The following VSTM4 variants were observed in gnomAD, a reference collection of about 807,000 sequenced individuals.
VSTM4 encodes the protein V-set and transmembrane domain-containing protein 4.
VSTM4 carries 20 observed loss-of-function variants against 36.4 expected under a neutral mutation model. That is an observed-to-expected ratio of 0.55 (90% CI 0.39 to 0.80). The LOEUF is 0.80. Ranked by LOEUF, VSTM4 falls within the 30% of genes least tolerant of loss-of-function variation. The probability of loss-of-function intolerance (pLI) is 0.00; values close to 1 mark genes in which losing one functional copy is unlikely to be tolerated. For synonymous variants in VSTM4, 182 were observed against 173.9 expected (o/e 1.05, Z -0.37); for missense variants, 392 against 404.5 (o/e 0.97, Z 0.26).
intron 2 of VSTM4, among the ~76,000 whole-genome samples, chr10:49,104,986 GAC>G (rs1491033326): frequency 7.3e-6 from 1 of 136,964 alleles, no homozygotes; most frequent in African/African-American, 2.8e-5. Context: ...GGGAGACAGA[GAC>G]ACAGAGAGAC....
At chr10:49,078,857 T>C (rs1208042271) in intron 3 of VSTM4, among the ~76,000 whole-genome samples, 2 of 151,944 alleles carry the variant, frequency 1.3e-5, no homozygotes, top group South Asian at 2.1e-4. Context: ...TGATTTTTTC[T>C]TTCTTGCCCT....
intron 5 of VSTM4, among the ~76,000 whole-genome samples, chr10:49,060,434 G>A (rs1283726587): frequency 6.6e-6 from 1 of 152,108 alleles, no homozygotes; most frequent in East Asian, 1.9e-4. Flanking sequence ...GTTTTAATTT[G>A]CACTTCCCTA....
At chr10:49,100,227 T>C (rs535510688) in intron 2 of VSTM4, among the ~76,000 whole-genome samples, 60 of 151,744 alleles carry the variant, frequency 4.0e-4, no homozygotes, top group African/African-American at 1.4e-3. Flanking sequence ...GTGGTCAAGA[T>C]AAAAACTGAA....
Position 49,018,358 on chromosome 10 carries a change from C to T in VSTM4, c.*1292G>A, listed in dbSNP as rs1843132299. The T allele has an allele frequency of 6.6e-6, 1 of 152,162 alleles. No individual in the cohort carries two copies. Among genetic ancestry groups the T allele is most frequent in the African/African-American group, 2.4e-5 (1 of 41,438 alleles). The allele number at this position is 152,162 out of a possible 1,614,324, so 9.4% of individuals were successfully genotyped here. The stretch of plus-strand genomic sequence containing the variant: ...TCTATGGGAAGTTAAGTCGTCTTTA[C>T]ACAAACATGGAGTCTGAGGTCATTA... On this transcript the variant is annotated 3_prime_UTR_variant, in exon 8 of 8. Coordinates refer to ENST00000332853, the MANE Select transcript of VSTM4 (RefSeq NM_001031746.5).
rs1236664228 is a variant in VSTM4 at position 49,090,785 on chromosome 10, G to A, written c.458-4762C>T. Among the ~76,000 whole-genome samples, 3 of 152,224 alleles carry A rather than the reference G, an allele frequency of 2.0e-5. No individual in the cohort carries two copies. In the East Asian group the frequency reaches 5.8e-4, roughly 29 times the overall value. On this transcript the variant is annotated intron_variant, in intron 2 of 7. Coordinates refer to ENST00000332853, the MANE Select transcript of VSTM4 (RefSeq NM_001031746.5). ...GGTCTCCCAGCAAATAGCTGGCATGGGGGCAAATGCTGTGGGGCCCCTTGG... is the reference window on the plus strand; with the variant it reads ...GGTCTCCCAGCAAATAGCTGGCATGAGGGCAAATGCTGTGGGGCCCCTTGG...
At chr10:49,102,382 C>G in intron 2 of VSTM4, 1 of 983,598 alleles carries the variant, frequency 1.0e-6, no homozygotes, top group South Asian at 4.7e-5. Flanking sequence ...GATCCACCCA[C>G]CTCGGCCTCC....
intron 2 of VSTM4, among the ~76,000 whole-genome samples, chr10:49,099,268 G>A (rs751428137): frequency 3.3e-5 from 5 of 152,326 alleles, no homozygotes; most frequent in Admixed American, 6.5e-5. Context: ...TTATCACTCC[G>A]AATCCTTTCG....
At chr10:49,103,172 A>C (rs1456817953) in intron 2 of VSTM4, 1 of 152,308 alleles carries the variant, frequency 6.6e-6, no homozygotes, top group Admixed American at 6.5e-5. Context: ...TTATTGACAA[A>C]GATTTACAGC....
In VSTM4 at chr10:49,112,355, C is replaced by T. The variant is rs188388169; in HGVS notation, c.55+3076G>A. Among the ~76,000 whole-genome samples, 24 of 152,306 alleles carry T rather than the reference C, an allele frequency of 1.6e-4. No individual in the cohort carries two copies. The East Asian group carries it at 2.9e-3, about 18-fold the overall frequency. On this transcript the variant is annotated intron_variant, in intron 1 of 7. Transcript: ENST00000332853. ...GCCTTCTCTGGTAGTTGCAGAGAAA[C>T]GATGAGACACAGAAGCAGTGGCTTG... is the stretch of plus-strand genomic sequence containing the variant.
In VSTM4 at chr10:49,112,297, C is replaced by T. The variant is rs987168661; in HGVS notation, c.55+3134G>A. On this transcript the variant is annotated intron_variant, in intron 1 of 7. Transcript: ENST00000332853. ...TGGGACTTGGTAGTCCTGGGCACCA[C>T]ATGGGCTAAGCACTGGATGTTTATG... 6.6e-5 allele frequency among the ~76,000 whole-genome samples: 10 copies of T among 152,254 alleles called. No homozygotes were observed. In the East Asian group the frequency reaches 1.3e-3, roughly 21 times the overall value.
chr10:49,048,929 T>C (rs773412530), intron 5 of VSTM4, among the ~76,000 whole-genome samples: 27 of 152,360 alleles, frequency 1.8e-4, no homozygotes, highest in Non-Finnish European at 3.7e-4. Context: ...CTGGTTTAAC[T>C]GATTACACAT....
intron 5 of VSTM4, among the ~76,000 whole-genome samples, chr10:49,050,984 T>A (rs1236332733): frequency 1.3e-5 from 2 of 152,044 alleles, no homozygotes; most frequent in Non-Finnish European, 2.9e-5. Context: ...ATGCACAGCC[T>A]CCCCCATGAT....
intron 2 of VSTM4, among the ~76,000 whole-genome samples, chr10:49,096,482 C>T (rs1170644473): frequency 6.6e-6 from 1 of 152,168 alleles, no homozygotes; most frequent in Non-Finnish European, 1.5e-5. Flanking sequence ...ACATCCCTTG[C>T]AAATTGCTTC....
At chr10:49,037,121 T>A (rs1843442977) in intron 7 of VSTM4, among the ~76,000 whole-genome samples, 1 of 152,200 alleles carries the variant, frequency 6.6e-6, no homozygotes, top group Non-Finnish European at 1.5e-5. Flanking sequence ...AGAATTCTCA[T>A]ATTTAGTTTT....
At chr10:49,066,885 A>G (rs1843983615) in intron 4 of VSTM4, among the ~76,000 whole-genome samples, 2 of 152,200 alleles carry the variant, frequency 1.3e-5, no homozygotes, top group East Asian at 1.9e-4. Context: ...GATAAGTAAA[A>G]TAGGGTAATC....
At chr10:49,040,224 T>TA (rs1040512725) in intron 7 of VSTM4, among the ~76,000 whole-genome samples, 2 of 152,166 alleles carry the variant, frequency 1.3e-5, no homozygotes, top group African/African-American at 2.4e-5. Flanking sequence ...TGTTTTGTTT[T>TA]AAAAAAAGGA....
At chr10:49,058,483 T>C (rs893823276) in intron 5 of VSTM4, among the ~76,000 whole-genome samples, 3 of 152,124 alleles carry the variant, frequency 2.0e-5, no homozygotes, top group African/African-American at 7.2e-5. Context: ...GAAGGGCACA[T>C]TGAACCTCAC....
chr10:49,113,845 G>A (rs1455152810), intron 1 of VSTM4, among the ~76,000 whole-genome samples: 1 of 152,162 alleles, frequency 6.6e-6, no homozygotes, highest in Non-Finnish European at 1.5e-5. Flanking sequence ...CACACAGTGA[G>A]TGTCCCACAA....
intron 7 of VSTM4, among the ~76,000 whole-genome samples, chr10:49,031,778 C>T (rs183519414): frequency 5.9e-5 from 9 of 152,236 alleles, no homozygotes; most frequent in Admixed American, 5.2e-4. Context: ...GGTCTTGATC[C>T]TTCATTACCT....
Sources: gnomAD v4.1 joint callset for allele counts (sites outside exome capture counted in the v4.1 genomes callset) on GRCh38, gnomAD v4.1.1 for gene constraint, MANE v1.5 for transcripts, NCBI Gene and HGNC (gene_info 2026-07-23, HGNC 2026-07-21) for gene names.